The following SH3GL3 variants were observed in gnomAD, a reference collection of about 807,000 sequenced individuals.
The protein encoded by SH3GL3 is endophilin-A3.
Under a neutral mutation model 47.7 loss-of-function variants are expected in SH3GL3, and 33 were observed. That is an observed-to-expected ratio of 0.69 (90% CI 0.52 to 0.92). The LOEUF (loss-of-function observed/expected upper bound fraction) is 0.92. Ranked by LOEUF, SH3GL3 falls within the 40% of genes least tolerant of loss-of-function variation. The pLI is 0.00. For synonymous variants in SH3GL3, 155 were observed against 148.8 expected (o/e 1.04, Z -0.30); for missense variants, 363 against 417.8 (o/e 0.87, Z 1.14).
intron 1 of SH3GL3, among the ~76,000 whole-genome samples, chr15:83,534,201 T>C (rs1489503033): frequency 6.6e-6 from 1 of 152,212 alleles, no homozygotes; most frequent in Non-Finnish European, 1.5e-5. Context: ...CTCCCTTCTG[T>C]TTTCTGCCAT....
chr15:83,585,173 C>T (rs1324822185), intron 6 of SH3GL3, among the ~76,000 whole-genome samples: 1 of 152,236 alleles, frequency 6.6e-6, no homozygotes, highest in Non-Finnish European at 1.5e-5. Context: ...TTGTACTGAG[C>T]ACCTGCTAGG....
chr15:83,541,290 G>A lies in SH3GL3; in HGVS notation c.46-17963G>A, dbSNP rs148340155. ...CTGTCTTCTTTCCTAGCAGTGGGAT[G>A]GCTGGATCATATGGTAATTCTATTT... is the stretch of plus-strand genomic sequence containing the variant. On this transcript the variant is annotated intron_variant, in intron 1 of 8. Transcript: ENST00000427482. 1.6e-3 allele frequency among the ~76,000 whole-genome samples: 234 copies of A among 143,064 alleles called. 1 individual carries two copies. Among genetic ancestry groups the A allele is most frequent in the African/African-American group, 5.9e-3 (229 of 39,090 alleles). 93.9% of individuals were successfully genotyped at this position (143,064 alleles called of 152,430 possible).
At chr15:83,576,905 T>TA (rs138903509) in intron 6 of SH3GL3, among the ~76,000 whole-genome samples, 164 bp downstream of exon 6, 6,891 of 124,666 alleles carry the variant, frequency 0.055, 502 homozygotes, top group African/African-American at 0.16. Flanking sequence ...CTGATGAGCT[T>TA]AAAAAAAAAA....
At chr15:83,520,944 G>C (rs2043177696) in intron 1 of SH3GL3, among the ~76,000 whole-genome samples, 1 of 151,892 alleles carries the variant, frequency 6.6e-6, no homozygotes, top group South Asian at 2.1e-4. Context: ...TAAAAATTAA[G>C]CAAAAAATAA....
chr15:83,574,376 A>G (rs1327255657), intron 5 of SH3GL3, among the ~76,000 whole-genome samples: 3 of 152,084 alleles, frequency 2.0e-5, no homozygotes, highest in African/African-American at 4.8e-5. Flanking sequence ...CTCAGGGGAA[A>G]CATGTCCCTG....
intron 1 of SH3GL3, among the ~76,000 whole-genome samples, chr15:83,541,830 AGAGTT>A (rs1280341822): frequency 2.0e-5 from 3 of 152,120 alleles, no homozygotes; most frequent in Admixed American, 1.3e-4. Flanking sequence ...TTTTTCCTAT[AGAGTT>A]ATTTGACCTC....
intron 6 of SH3GL3, among the ~76,000 whole-genome samples, chr15:83,583,302 A>G (rs953650089): frequency 3.9e-5 from 6 of 152,144 alleles, no homozygotes; most frequent in Non-Finnish European, 8.8e-5. Context: ...CTGCTCACCA[A>G]GTCCCCTGGT....
chr15:83,600,541 T>C (rs916607143), intron 8 of SH3GL3, among the ~76,000 whole-genome samples: 1 of 152,216 alleles, frequency 6.6e-6, no homozygotes, highest in Non-Finnish European at 1.5e-5. Flanking sequence ...TCTGTTCCAT[T>C]GGTCTATGTG....
At chr15:83,551,769 T>C (rs896346762) in intron 1 of SH3GL3, among the ~76,000 whole-genome samples, 1 of 152,220 alleles carries the variant, frequency 6.6e-6, no homozygotes. Context: ...TTTCCTGTTA[T>C]GTTGTGTGCA....
chr15:83,487,752 A>G (rs1027009765), intron 1 of SH3GL3, among the ~76,000 whole-genome samples: 1 of 152,060 alleles, frequency 6.6e-6, no homozygotes, highest in Non-Finnish European at 1.5e-5. Context: ...TGGTGGCACC[A>G]CCAATGGGAC....
intron 8 of SH3GL3, among the ~76,000 whole-genome samples, chr15:83,600,637 T>A (rs2060355627): frequency 6.6e-6 from 1 of 152,158 alleles, no homozygotes; most frequent in African/African-American, 2.4e-5. Flanking sequence ...GCCTCCAGAT[T>A]TGTTCTTTTT....
intron 8 of SH3GL3, among the ~76,000 whole-genome samples, chr15:83,591,834 C>G (rs913147317): frequency 6.6e-6 from 1 of 152,098 alleles, no homozygotes; most frequent in South Asian, 2.1e-4. Flanking sequence ...TACAGGCGCC[C>G]GATACCGTGC....
chr15:83,468,698 A>G (rs2040692855), intron 1 of SH3GL3, among the ~76,000 whole-genome samples: 1 of 152,058 alleles, frequency 6.6e-6, no homozygotes, highest in Admixed American at 6.6e-5. Context: ...CCACTTGGTC[A>G]TGATGTATAA....
intron 6 of SH3GL3, among the ~76,000 whole-genome samples, chr15:83,578,720 G>A (rs1157593560): frequency 6.7e-6 from 1 of 150,338 alleles, no homozygotes; most frequent in African/African-American, 2.5e-5. Context: ...TGGTATCTCT[G>A]TTTTTCTTTA....
intron 1 of SH3GL3, among the ~76,000 whole-genome samples, chr15:83,463,704 A>C (rs1167232085): frequency 1.4e-5 from 2 of 147,256 alleles, no homozygotes; most frequent in Non-Finnish European, 3.0e-5. Context: ...GTCCCTCTTC[A>C]CCCCTGTCCT....
intron 1 of SH3GL3, among the ~76,000 whole-genome samples, chr15:83,558,357 TC>T (rs902746619): frequency 6.6e-6 from 1 of 152,296 alleles, no homozygotes. Context: ...GATTTTATTT[TC>T]CTCCATTCTT....
intron 4 of SH3GL3, among the ~76,000 whole-genome samples, chr15:83,571,918 C>T (rs2045836419): frequency 6.6e-6 from 1 of 152,150 alleles, no homozygotes; most frequent in Non-Finnish European, 1.5e-5. Context: ...TGAGATAGCA[C>T]ACTGTAATCC....
At chr15:83,632,012 C>T in the SH3GL3 span, among the ~76,000 whole-genome samples, 3 of 152,172 alleles carry the variant, frequency 2.0e-5, no homozygotes, top group Admixed American at 1.3e-4. Flanking sequence ...ACTAGATACA[C>T]TAAATCATCT....
At chr15:83,568,325 C>T (rs1313582221) in intron 3 of SH3GL3, among the ~76,000 whole-genome samples, 1 of 152,110 alleles carries the variant, frequency 6.6e-6, no homozygotes, top group Non-Finnish European at 1.5e-5. Flanking sequence ...GGCTGCGGAA[C>T]AGTGCACTTA....
Sources: allele counts gnomAD v4.1 joint callset (sites outside exome capture counted in the v4.1 genomes callset), GRCh38; gene constraint gnomAD v4.1.1; transcripts MANE v1.5; gene names NCBI Gene and HGNC (gene_info 2026-07-23, HGNC 2026-07-21).